DPP10: variants seen among roughly 807,000 people sequenced by gnomAD.
DPP10 encodes inactive dipeptidyl peptidase 10.
In DPP10, 33 loss-of-function variants were observed where a neutral mutation model predicts 120.9. The observed-to-expected ratio is 0.27, with a 90% CI of 0.21 to 0.37. DPP10 has a LOEUF of 0.37. Ranked by LOEUF, DPP10 falls within the 10% of genes least tolerant of loss-of-function variation. DPP10 has a pLI of 1.00. For synonymous variants in DPP10, 337 were observed against 326.1 expected, an observed-to-expected ratio of 1.03 and a Z score of -0.36; for missense variants, 816 against 942.8, an observed-to-expected ratio of 0.87 and a Z score of 1.76.
intron 1 of DPP10, among the ~76,000 whole-genome samples, chr2:114,913,541 C>T (rs1290437732): frequency 1.3e-5 from 2 of 152,140 alleles, no homozygotes; most frequent in African/African-American, 4.8e-5. Context: ...CATCTAAATT[C>T]GACTTATACC....
At chr2:115,350,939 T>G (rs2063987327) in intron 3 of DPP10, among the ~76,000 whole-genome samples, 1 of 152,082 alleles carries the variant, frequency 6.6e-6, no homozygotes, top group Non-Finnish European at 1.5e-5. Context: ...GTAAATTAGT[T>G]CAGCCACTAT....
At position 115,361,490 on chromosome 2, in the gene DPP10, G is replaced by A. The variant is rs566725834; in HGVS notation, c.271+17578G>A. Among the ~76,000 whole-genome samples the A allele has an allele frequency of 1.5e-3, 225 of 152,122 alleles. 1 individual carries two copies. Among genetic ancestry groups the A allele is most frequent in the African/African-American group, 5.2e-3 (216 of 41,504 alleles). On this transcript the variant is annotated intron_variant, in intron 3 of 25. Coordinates refer to ENST00000410059, the MANE Select transcript of DPP10 (RefSeq NM_020868.6). ...ACAAGGGGATGTGCAGACCAGACAT[G>A]CCCCTTTCCCATGGGAAAAACAGCC...
intron 1 of DPP10, among the ~76,000 whole-genome samples, chr2:114,939,874 T>A (rs925943565): frequency 2.6e-5 from 4 of 152,184 alleles, no homozygotes; most frequent in Non-Finnish European, 5.9e-5. Context: ...AATATTTGAT[T>A]TCAGTTTGTA....
intron 1 of DPP10, among the ~76,000 whole-genome samples, chr2:115,067,940 TG>T (rs1403248871): frequency 6.6e-6 from 1 of 151,578 alleles, no homozygotes; most frequent in Non-Finnish European, 1.5e-5. Context: ...TGTGTGTTTT[TG>T]TGTCTGTGTA....
At chr2:115,779,360 T>C (rs1682483643) in intron 15 of DPP10, among the ~76,000 whole-genome samples, 1 of 152,062 alleles carries the variant, frequency 6.6e-6, no homozygotes, top group Admixed American at 6.6e-5. Flanking sequence ...AAGATAATGT[T>C]AGTGTTTGAC....
chr2:115,662,654 G>C (rs2089096307), intron 5 of DPP10, among the ~76,000 whole-genome samples: 1 of 152,118 alleles, frequency 6.6e-6, no homozygotes, highest in Non-Finnish European at 1.5e-5. Flanking sequence ...CAAGGATATG[G>C]AGAAAAGGAA....
intron 12 of DPP10, among the ~76,000 whole-genome samples, chr2:115,766,310 G>GTGTGTGTGTGTGTATATA (rs1371625141): frequency 3.7e-5 from 3 of 81,736 alleles, no homozygotes; most frequent in South Asian, 4.8e-4. Context: ...GTGTGTGTGT[G>GTGTGTGTGTGTGTATATA]TATATATATA....
intron 1 of DPP10, among the ~76,000 whole-genome samples, chr2:115,140,817 G>A (rs2050888378): frequency 6.6e-6 from 1 of 151,436 alleles, no homozygotes; most frequent in Admixed American, 6.6e-5. Flanking sequence ...CTGAAATGGA[G>A]TTGATAATGG....
chr2:115,567,343 T>C (rs2081066126), intron 5 of DPP10, among the ~76,000 whole-genome samples: 1 of 152,158 alleles, frequency 6.6e-6, no homozygotes. Flanking sequence ...ACCCTCTCCT[T>C]ACAGATAACC....
intron 5 of DPP10, among the ~76,000 whole-genome samples, chr2:115,646,780 G>T (rs2087301570): frequency 6.6e-6 from 1 of 152,140 alleles, no homozygotes; most frequent in Admixed American, 6.6e-5. Context: ...TTAAATTGAT[G>T]ATTTTGATGA....
intron 1 of DPP10, among the ~76,000 whole-genome samples, chr2:114,924,165 A>T (rs1695419312): frequency 6.6e-6 from 1 of 152,168 alleles, no homozygotes; most frequent in South Asian, 2.1e-4. Context: ...GTTTTCCCTA[A>T]AACCAGCTCA....
At chr2:114,691,113 T>C (rs941369173) in intron 1 of DPP10, among the ~76,000 whole-genome samples, 1 of 151,906 alleles carries the variant, frequency 6.6e-6, no homozygotes, top group Non-Finnish European at 1.5e-5. Flanking sequence ...TGAATAAGAG[T>C]GGTGAGAAAG....
chr2:115,145,957 C>T (rs1324506203), intron 1 of DPP10, among the ~76,000 whole-genome samples: 1 of 152,136 alleles, frequency 6.6e-6, no homozygotes, highest in East Asian at 1.9e-4. Flanking sequence ...GCTGCCATTA[C>T]TTGCAAACAC....
intron 5 of DPP10, among the ~76,000 whole-genome samples, chr2:115,664,873 A>C (rs1196499135): frequency 4.6e-5 from 6 of 130,912 alleles, no homozygotes; most frequent in African/African-American, 1.5e-4. Context: ...CACTAGTCAC[A>C]TGTGGCCATT....
At chr2:115,167,244 G>A (rs1354842645) in intron 1 of DPP10, among the ~76,000 whole-genome samples, 4 of 146,698 alleles carry the variant, frequency 2.7e-5, no homozygotes, top group Non-Finnish European at 4.4e-5. Flanking sequence ...CTGGGAATAA[G>A]AGCCTAGACA....
intron 5 of DPP10, among the ~76,000 whole-genome samples, chr2:115,625,589 A>G (rs1441812098): frequency 6.6e-6 from 1 of 152,182 alleles, no homozygotes; most frequent in Non-Finnish European, 1.5e-5. Flanking sequence ...ATAGCCATGT[A>G]GTTTGGAAAA....
intron 1 of DPP10, among the ~76,000 whole-genome samples, chr2:115,247,269 CATT>C (rs1485609967): frequency 2.0e-5 from 3 of 152,032 alleles, no homozygotes; most frequent in Non-Finnish European, 4.4e-5. Context: ...ATGTCCTCAT[CATT>C]GAGCTACAAT....
intron 1 of DPP10, among the ~76,000 whole-genome samples, chr2:114,773,803 T>G (rs955696934): frequency 2.0e-5 from 3 of 152,120 alleles, no homozygotes; most frequent in Non-Finnish European, 2.9e-5. Flanking sequence ...CATATACAAT[T>G]AATTGTAGAG....
chr2:115,483,214 C>T (rs1189112633), intron 3 of DPP10, among the ~76,000 whole-genome samples: 2 of 151,970 alleles, frequency 1.3e-5, no homozygotes, highest in Non-Finnish European at 2.9e-5. Flanking sequence ...GTGGAAGGTA[C>T]TTCATTTTTA....
Sources: gnomAD v4.1 joint callset for allele counts (sites outside exome capture counted in the v4.1 genomes callset) on GRCh38, gnomAD v4.1.1 for gene constraint, MANE v1.5 for transcripts, NCBI Gene and HGNC (gene_info 2026-07-23, HGNC 2026-07-21) for gene names.